GALNT13: variants seen among roughly 807,000 people sequenced by gnomAD.
GALNT13 encodes UDP-GalNAc:polypeptide N-acetylgalactosaminyltransferase 13.
GALNT13 carries 28 observed loss-of-function variants against 64.2 expected under a neutral mutation model. That is an observed-to-expected ratio of 0.44 (90% CI 0.32 to 0.60). GALNT13 has a LOEUF of 0.60. GALNT13 is among the 20% of genes least tolerant of loss of function. The probability of loss-of-function intolerance (pLI) is 0.05; values close to 1 mark genes in which losing one functional copy is unlikely to be tolerated. For synonymous variants in GALNT13, 214 were observed against 224.6 expected (o/e 0.95, Z 0.42); for missense variants, 577 against 669.8 (o/e 0.86, Z 1.53).
intron 4 of GALNT13, among the ~76,000 whole-genome samples, chr2:154,195,160 C>T (rs1686810632): frequency 6.6e-6 from 1 of 152,082 alleles, no homozygotes. Flanking sequence ...GCCCATCCCA[C>T]TTGAGAATAA....
At position 154,452,739 on chromosome 2, in the gene GALNT13, C is replaced by T. The variant is rs554934674; in HGVS notation, c.*2188C>T. 1.3e-5 allele frequency: 2 copies of T among 152,252 alleles called. No homozygotes were observed. Among genetic ancestry groups the T allele is most frequent in the Non-Finnish European group, 2.9e-5 (2 of 68,014 alleles). 9.4% of individuals were successfully genotyped at this position (152,252 alleles called of 1,614,324 possible). A position where few individuals can be genotyped will look rare whatever the true frequency, so the allele number is the denominator to read the frequency against. ...GCTTGAACACGTGCCATTATAGTAT[C>T]TAACAAAAAGTGGCATAAAATATTA... On this transcript the variant is annotated 3_prime_UTR_variant, in exon 13 of 13. Transcript: ENST00000392825.
At chr2:154,308,188 T>C (rs1693845385) in intron 9 of GALNT13, among the ~76,000 whole-genome samples, 1 of 152,136 alleles carries the variant, frequency 6.6e-6, no homozygotes, top group African/African-American at 2.4e-5. Flanking sequence ...TTTGGCAATA[T>C]TGTAGTTTGA....
At chr2:153,167,587 A>G in the GALNT13 span, among the ~76,000 whole-genome samples, 3 of 152,078 alleles carry the variant, frequency 2.0e-5, no homozygotes, top group Non-Finnish European at 4.4e-5. Context: ...TCCTCATTGT[A>G]TTATCTTCCT....
rs1044567614 is a variant in GALNT13, at chr2:154,416,639, T to C, written c.1395+7557T>C. 2.0e-5 allele frequency among the ~76,000 whole-genome samples: 3 copies of C among 152,162 alleles called. No homozygotes were observed. The East Asian group carries it at 5.8e-4, about 29-fold the overall frequency. On this transcript the variant is annotated intron_variant, in intron 11 of 12. Transcript: ENST00000392825. The stretch of plus-strand genomic sequence containing the variant: ...TCCAAAGAAAAGAAACGTTTCACTT[T>C]GGCTAGCTTTTTGGGGGATCATGAG...
At chr2:153,111,713 G>A in the GALNT13 span, among the ~76,000 whole-genome samples, 1 of 151,980 alleles carries the variant, frequency 6.6e-6, no homozygotes, top group African/African-American at 2.4e-5. Context: ...AGTAATTTTA[G>A]TAGGCTTTCC....
the GALNT13 span, among the ~76,000 whole-genome samples, chr2:153,140,920 C>A: frequency 6.6e-5 from 10 of 152,006 alleles, no homozygotes; most frequent in East Asian, 2.0e-3. Context: ...CAACACCTTT[C>A]AGTATTTTTA....
At chr2:153,625,111 C>T in the GALNT13 span, among the ~76,000 whole-genome samples, 2 of 151,948 alleles carry the variant, frequency 1.3e-5, no homozygotes, top group African/African-American at 4.8e-5. Flanking sequence ...AGTCAGTAAA[C>T]AATTTAATTA....
intron 10 of GALNT13, among the ~76,000 whole-genome samples, chr2:154,402,421 C>A (rs564951803): frequency 2.5e-4 from 38 of 152,238 alleles, no homozygotes; most frequent in African/African-American, 8.4e-4. Context: ...TTTCAAACAT[C>A]AAAACACAAG....
chr2:154,380,255 G>C (rs905115389), intron 9 of GALNT13, among the ~76,000 whole-genome samples: 1 of 151,702 alleles, frequency 6.6e-6, no homozygotes, highest in African/African-American at 2.4e-5. Context: ...ACTTATAAAG[G>C]GTCATATAGC....
chr2:153,237,621 C>T, the GALNT13 span, among the ~76,000 whole-genome samples: 1 of 151,958 alleles, frequency 6.6e-6, no homozygotes, highest in African/African-American at 2.4e-5. Flanking sequence ...AACATAATGA[C>T]CTCCACTTCC....
chr2:153,530,493 A>G, the GALNT13 span, among the ~76,000 whole-genome samples: 6 of 152,164 alleles, frequency 3.9e-5, no homozygotes, highest in Non-Finnish European at 8.8e-5. Context: ...AATACCAAAG[A>G]TGTTCTTCAA....
chr2:153,075,145 A>G, the GALNT13 span, among the ~76,000 whole-genome samples: 1 of 152,150 alleles, frequency 6.6e-6, no homozygotes, highest in Non-Finnish European at 1.5e-5. Context: ...AACATTTTCC[A>G]GACTAATATT....
intron 3 of GALNT13, among the ~76,000 whole-genome samples, chr2:154,139,014 T>C (rs962319536): frequency 2.6e-5 from 4 of 152,192 alleles, no homozygotes; most frequent in Admixed American, 1.3e-4. Context: ...TTTTTTTCTA[T>C]ATTCAATGTT....
At chr2:153,202,441 T>G in the GALNT13 span, among the ~76,000 whole-genome samples, 1 of 152,206 alleles carries the variant, frequency 6.6e-6, no homozygotes, top group Non-Finnish European at 1.5e-5. Context: ...AAGAGCACAG[T>G]GCTCACATGA....
the GALNT13 span, among the ~76,000 whole-genome samples, chr2:153,411,068 C>T: frequency 6.6e-6 from 1 of 151,744 alleles, no homozygotes; most frequent in East Asian, 1.9e-4. Context: ...GTTGCCCAGG[C>T]TGGTCTCAAA....
the GALNT13 span, among the ~76,000 whole-genome samples, chr2:153,408,346 G>T: frequency 6.6e-6 from 1 of 151,862 alleles, no homozygotes; most frequent in East Asian, 1.9e-4. Context: ...AAAATGACCG[G>T]CATATGATCA....
the GALNT13 span, among the ~76,000 whole-genome samples, chr2:153,399,658 T>C: frequency 6.6e-6 from 1 of 151,846 alleles, no homozygotes; most frequent in African/African-American, 2.4e-5. Flanking sequence ...TAAGTTGGAT[T>C]CCTAGGTATT....
the GALNT13 span, among the ~76,000 whole-genome samples, chr2:153,400,504 T>C: frequency 2.6e-5 from 4 of 152,140 alleles, no homozygotes; most frequent in East Asian, 1.9e-4. Flanking sequence ...GGAATGGTAC[T>C]AGTTCCTCCT....
the GALNT13 span, among the ~76,000 whole-genome samples, chr2:153,384,233 G>A: frequency 3.3e-5 from 5 of 152,098 alleles, no homozygotes; most frequent in East Asian, 9.7e-4. Flanking sequence ...TCACCAAACA[G>A]GTGGGTGATT....
Sources: allele counts gnomAD v4.1 joint callset (sites outside exome capture counted in the v4.1 genomes callset), GRCh38; gene constraint gnomAD v4.1.1; transcripts MANE v1.5; gene names NCBI Gene and HGNC (gene_info 2026-07-23, HGNC 2026-07-21).